The following CSMD3 variants were observed in gnomAD, a reference collection of about 807,000 sequenced individuals.
The protein encoded by CSMD3 is CUB and sushi domain-containing protein 3.
CSMD3 carries 177 observed loss-of-function variants against 435.2 expected under a neutral mutation model. That is an observed-to-expected ratio of 0.41 (90% CI 0.36 to 0.46). CSMD3 has a LOEUF of 0.46. Among genes scored for constraint, CSMD3 ranks in the 20% least tolerant of loss-of-function variants. CSMD3 has a pLI of 0.34. For missense variants in CSMD3, 4,265 were observed against 4,504.6 expected (o/e 0.95, Z 1.52); for synonymous variants, 1,656 against 1,520.5 (o/e 1.09, Z -2.07).
chr8:113,174,783 T>C (rs1321081381), intron 3 of CSMD3, among the ~76,000 whole-genome samples: 3 of 151,852 alleles, frequency 2.0e-5, no homozygotes, highest in Non-Finnish European at 4.4e-5. Flanking sequence ...ATTACCTTTA[T>C]ACTACAAATA....
intron 11 of CSMD3, among the ~76,000 whole-genome samples, chr8:112,847,697 A>G (rs1218770407): frequency 6.6e-6 from 1 of 152,110 alleles, no homozygotes; most frequent in African/African-American, 2.4e-5. Flanking sequence ...CACAAGTACC[A>G]AATCTCCAAA....
chr8:112,311,827 A>G (rs1586736648), intron 49 of CSMD3, among the ~76,000 whole-genome samples: 1 of 152,308 alleles, frequency 6.6e-6, no homozygotes, highest in South Asian at 2.1e-4. Context: ...GGCAGGTCCC[A>G]TTTACCTTCT....
intron 2 of CSMD3, among the ~76,000 whole-genome samples, chr8:113,301,445 C>T (rs2093766598): frequency 6.6e-6 from 1 of 151,892 alleles, no homozygotes; most frequent in South Asian, 2.1e-4. Context: ...TAAATAATCA[C>T]ATCTCACTCA....
intron 1 of CSMD3, among the ~76,000 whole-genome samples, chr8:113,342,148 T>C (rs987547100): frequency 2.0e-5 from 3 of 151,854 alleles, no homozygotes; most frequent in Admixed American, 1.3e-4. Flanking sequence ...GGACCAAATA[T>C]GCCTCTTAAA....
chr8:112,261,929 T>C (rs1816443472), intron 61 of CSMD3, among the ~76,000 whole-genome samples: 1 of 152,028 alleles, frequency 6.6e-6, no homozygotes, highest in Non-Finnish European at 1.5e-5. Flanking sequence ...TACATATATA[T>C]ATTCTAAATA....
In CSMD3 at chr8:112,444,559, C is replaced by T. The variant is rs556264415; in HGVS notation, c.5395+28032G>A. On this transcript the variant is annotated intron_variant, in intron 32 of 70. Coordinates refer to ENST00000297405, the MANE Select transcript of CSMD3 (RefSeq NM_198123.2). ...AGCAAACTCCTGATGCACACAATAA[C>T]ATGAATGAATCTCAAAAATTTTATG... 9.2e-5 allele frequency among the ~76,000 whole-genome samples: 14 copies of T among 152,258 alleles called. No homozygotes were observed. The East Asian group carries it at 2.7e-3, about 29-fold the overall frequency.
intron 13 of CSMD3, among the ~76,000 whole-genome samples, chr8:112,774,733 AC>A (rs2078204962): frequency 6.6e-6 from 1 of 151,880 alleles, no homozygotes; most frequent in Non-Finnish European, 1.5e-5. Flanking sequence ...TGGCTTTAAA[AC>A]CCCAACTGTC....
chr8:112,928,830 A>G (rs1260016609), intron 9 of CSMD3, among the ~76,000 whole-genome samples: 2 of 149,122 alleles, frequency 1.3e-5, no homozygotes, highest in African/African-American at 2.5e-5. Context: ...GTCAAATGGT[A>G]TTTCTAGTTC....
At position 113,277,862 on chromosome 8, in the gene CSMD3, A is replaced by G. The variant is rs149200117; in HGVS notation, c.514+730T>C. On this transcript the variant is annotated intron_variant, in intron 3 of 70. Transcript: ENST00000297405. ...ACAAATTATTTTTGCCATCAGAATT[A>G]TTTTTGCTAGCACATTTTTTAAAAA... Among the ~76,000 whole-genome samples the G allele has an allele frequency of 1.9e-4, 29 of 152,038 alleles. No homozygotes were observed. In the East Asian group the frequency reaches 4.3e-3, roughly 22 times the overall value.
intron 1 of CSMD3, among the ~76,000 whole-genome samples, chr8:113,369,419 A>T (rs1028719911): frequency 2.6e-5 from 4 of 152,090 alleles, no homozygotes; most frequent in African/African-American, 9.6e-5. Context: ...TCTGGTAAGG[A>T]TGTGAAAAAA....
chr8:112,505,298 A>C (rs1166105751), intron 29 of CSMD3, among the ~76,000 whole-genome samples: 1 of 152,156 alleles, frequency 6.6e-6, no homozygotes, highest in Non-Finnish European at 1.5e-5. Context: ...AGTGGATCTG[A>C]GGCCTGTATT....
chr8:112,262,271 T>A (rs965979315), intron 61 of CSMD3, among the ~76,000 whole-genome samples: 1 of 152,152 alleles, frequency 6.6e-6, no homozygotes, highest in Non-Finnish European at 1.5e-5. Context: ...ATATCACATA[T>A]GTATAAATGG....
chr8:112,725,450 T>C (rs2076943809), intron 13 of CSMD3, among the ~76,000 whole-genome samples: 1 of 151,876 alleles, frequency 6.6e-6, no homozygotes, highest in South Asian at 2.1e-4. Flanking sequence ...ATAAAATCCA[T>C]ATTAAAGGGA....
intron 1 of CSMD3, among the ~76,000 whole-genome samples, chr8:113,335,535 TTC>T (rs1162833029): frequency 1.7e-5 from 2 of 118,182 alleles, no homozygotes; most frequent in Admixed American, 9.9e-5. Context: ...CTCCTCCTCC[TTC>T]TTTTTTTTTT....
chr8:112,723,654 G>A (rs1373505000), intron 13 of CSMD3, among the ~76,000 whole-genome samples: 1 of 152,064 alleles, frequency 6.6e-6, no homozygotes, highest in Non-Finnish European at 1.5e-5. Context: ...GAAACAATGA[G>A]GATTCAAAGC....
intron 11 of CSMD3, among the ~76,000 whole-genome samples, chr8:112,849,935 C>G (rs2080436985): frequency 2.0e-5 from 3 of 152,036 alleles, no homozygotes; most frequent in Admixed American, 6.6e-5. Context: ...AGTTTTGAAT[C>G]CAGTTTCTCA....
At chr8:112,584,517 G>A (rs1467151190) in intron 23 of CSMD3, among the ~76,000 whole-genome samples, 1 of 151,670 alleles carries the variant, frequency 6.6e-6, no homozygotes, top group South Asian at 2.1e-4. Flanking sequence ...AGTTGTACAC[G>A]AATGTTTGCA....
At chr8:112,986,975 T>C (rs2085278466) in intron 6 of CSMD3, among the ~76,000 whole-genome samples, 1 of 152,074 alleles carries the variant, frequency 6.6e-6, no homozygotes, top group African/African-American at 2.4e-5. Flanking sequence ...CTCTAGCATA[T>C]ATGAGACTAT....
intron 7 of CSMD3, among the ~76,000 whole-genome samples, chr8:112,956,729 G>A (rs1448813695): frequency 6.6e-6 from 1 of 151,940 alleles, no homozygotes; most frequent in Non-Finnish European, 1.5e-5. Context: ...GTGTAAAAGG[G>A]GACAGATTAG....
Sources: allele counts gnomAD v4.1 joint callset (sites outside exome capture counted in the v4.1 genomes callset), GRCh38; gene constraint gnomAD v4.1.1; transcripts MANE v1.5; gene names NCBI Gene and HGNC (gene_info 2026-07-23, HGNC 2026-07-21).